WDR55: variants seen among roughly 807,000 people sequenced by gnomAD.
WDR55 encodes WD repeat domain 55.
Under a neutral mutation model 34.0 loss-of-function variants are expected in WDR55, and 31 were observed. The ratio of observed to expected loss-of-function variants is 0.91; its 90% CI spans 0.69 to 1.23. The LOEUF (loss-of-function observed/expected upper bound fraction) is 1.23. Ranked by LOEUF, WDR55 falls within the 50% of genes most tolerant of loss-of-function variation. WDR55 has a pLI of 0.00. For synonymous variants in WDR55, 164 were observed against 185.9 expected (o/e 0.88, Z 0.96); for missense variants, 440 against 494.6 (o/e 0.89, Z 1.05).
At position 140,672,342 on chromosome 5, in the gene WDR55, G is replaced by T; in HGVS notation, c.*2688G>T. 7.9e-7 allele frequency: 1 copy of T among 1,267,152 alleles called. No individual in the cohort carries two copies. Among genetic ancestry groups the T allele is most frequent in the Non-Finnish European group, 1.1e-6 (1 of 915,098 alleles). 78.5% of individuals were successfully genotyped at this position (1,267,152 alleles called of 1,614,324 possible). A position where few individuals can be genotyped will look rare whatever the true frequency, so the allele number is the denominator to read the frequency against. On this transcript the variant is annotated 3_prime_UTR_variant, in exon 7 of 7. Transcript: ENST00000358337. ...CAAATAGTAAAAGGTTGCAAATTCT[G>T]GCATGTTTGACTCTAAGATCTTGTA...
In WDR55 at chr5:140,669,208, G is replaced by A. The variant is rs753371520; in HGVS notation, c.790G>A (p.Glu264Lys). The change falls in exon 6 of 7, where the codon GAG (glutamate) becomes AAG (lysine). Residue 264 changes from glutamate to lysine, a missense_variant. By Grantham distance (56) the Glu-to-Lys change is moderately conservative. Coordinates refer to ENST00000358337, the MANE Select transcript of WDR55 (RefSeq NM_017706.5). Reference protein sequence around the residue: ...ESIDCMVPVTESLLCTGSTDG... With the variant: ...ESIDCMVPVTKSLLCTGSTDG... ...TATCGACTGCATGGTTCCAGTCACC[G>A]AGAGTCTGCTGTGTACTGGCTCCAC... 27 of 1,613,624 alleles carry A rather than the reference G, an allele frequency of 1.7e-5. No homozygotes were observed. The highest frequency in any genetic ancestry group is 1.0e-4 in the Admixed American group (6 of 59,996).
intron 1 of WDR55, chr5:140,667,270 T>G: frequency 2.2e-6 from 1 of 459,446 alleles, no homozygotes; most frequent in Non-Finnish European, 2.9e-6. Context: ...TTCCCCACCC[T>G]CAGCCATGAC....
At position 140,671,220 on chromosome 5, in the gene WDR55, C is replaced by CCAG; in HGVS notation, c.*1567_*1569dup. ...CCTTTGGGGGTCAGAAAGTGGCCAC[C>CCAG]CAGGCCTGCTGGGATGGGGCCTGAC... On this transcript the variant is annotated 3_prime_UTR_variant, in exon 7 of 7. Transcript: ENST00000358337. 6.3e-7 allele frequency: 1 copy of CCAG among 1,598,140 alleles called. No homozygotes were observed. The highest frequency in any genetic ancestry group is 8.6e-7 in the Non-Finnish European group (1 of 1,168,318).
rs749372074 is a variant in WDR55 at position 140,665,068 on chromosome 5, A to G, written c.156A>G (p.Leu52=). The G allele has an allele frequency of 6.2e-7, 1 of 1,610,390 alleles. No homozygotes were observed. Among genetic ancestry groups the G allele is most frequent in the Non-Finnish European group, 8.5e-7 (1 of 1,177,588 alleles). Residue 52 remains leucine, a synonymous_variant, in exon 1 of 7, where the codon CTA becomes CTG. Coordinates refer to ENST00000358337, the MANE Select transcript of WDR55 (RefSeq NM_017706.5). ...TGGCGTTCCATCCGGCCCGTGACCT[A>G]CTGGCTGCAGGGGACGTGGACGGGG... ...SGLAFHPARD[L]LAAGDVDGDV...
rs1758090220 is a variant in WDR55, at chr5:140,672,021, T to G, written c.*2367T>G. ...AACCATCATAATGGCTAATCTTTAC[T>G]GGGAAAACTTGCTGTAAGTCAGTCA... On this transcript the variant is annotated 3_prime_UTR_variant, in exon 7 of 7. Coordinates refer to ENST00000358337, the MANE Select transcript of WDR55 (RefSeq NM_017706.5). The G allele has an allele frequency of 3.4e-6, 2 of 581,868 alleles. No homozygotes were observed. The highest frequency in any genetic ancestry group is 6.1e-6 in the Non-Finnish European group (2 of 326,846). The allele number at this position is 581,868 out of a possible 1,614,324, so 36.0% of individuals were successfully genotyped here.
At chr5:140,665,754 C>A (rs1369548073) in intron 1 of WDR55, among the ~76,000 whole-genome samples, 1 of 152,160 alleles carries the variant, frequency 6.6e-6, no homozygotes, top group African/African-American at 2.4e-5. Context: ...GTAATACCCG[C>A]ACTTTGGGAG....
Position 140,671,642 on chromosome 5 carries a change from G to A in WDR55, c.*1988G>A. The A allele has an allele frequency of 6.3e-7, 1 of 1,578,686 alleles. No homozygotes were observed. Among genetic ancestry groups the A allele is most frequent in the Non-Finnish European group, 8.6e-7 (1 of 1,162,608 alleles). ...TGCCAAAGCCAACTGGCTGCCCTCT[G>A]GCTGTGGGGACCGCAAGAAGGGACC... On this transcript the variant is annotated 3_prime_UTR_variant, in exon 7 of 7. Transcript: ENST00000358337.
intron 1 of WDR55, chr5:140,666,620 A>AT (rs1757931663): frequency 1.0e-6 from 1 of 985,022 alleles, no homozygotes; most frequent in South Asian, 4.7e-5. Context: ...CATTTGTGTA[A>AT]TTATTTGAAT....
chr5:140,671,557 C>T lies in WDR55; in HGVS notation c.*1903C>T, dbSNP rs1182650527. ...TGAGGAACACAGGGCTGCCCAGCTTCATTCGTTGGCACAGCAACTGCAGGG... is the reference window on the plus strand; with the variant it reads ...TGAGGAACACAGGGCTGCCCAGCTTTATTCGTTGGCACAGCAACTGCAGGG... On this transcript the variant is annotated 3_prime_UTR_variant, in exon 7 of 7. Coordinates refer to ENST00000358337, the MANE Select transcript of WDR55 (RefSeq NM_017706.5). 7 of 1,566,780 alleles carry T rather than the reference C, an allele frequency of 4.5e-6. No individual in the cohort carries two copies. Among genetic ancestry groups the T allele is most frequent in the Non-Finnish European group, 8.6e-7 (1 of 1,157,162 alleles).
Position 140,671,675 on chromosome 5 carries a change from T to A in WDR55, c.*2021T>A. The stretch of plus-strand genomic sequence containing the variant: ...GGACCGCAAGAAGGGACCCACAAGC[T>A]GCTGGCGAAGTCGCTGCTTCAGGTC... On this transcript the variant is annotated 3_prime_UTR_variant, in exon 7 of 7. Coordinates refer to ENST00000358337, the MANE Select transcript of WDR55 (RefSeq NM_017706.5). 6.3e-7 allele frequency: 1 copy of A among 1,584,290 alleles called. No homozygotes were observed. Among genetic ancestry groups the A allele is most frequent in the Non-Finnish European group, 8.6e-7 (1 of 1,165,160 alleles).
At chr5:140,665,656 C>T (rs541431311) in intron 1 of WDR55, among the ~76,000 whole-genome samples, 3 of 152,204 alleles carry the variant, frequency 2.0e-5, no homozygotes, top group Non-Finnish European at 4.4e-5. Context: ...CGTGCCCGGA[C>T]TCCTACCGGA....
chr5:140,671,791 G>A lies in WDR55; in HGVS notation c.*2137G>A, dbSNP rs1379869321. The A allele has an allele frequency of 1.3e-6, 2 of 1,550,246 alleles. No homozygotes were observed. The highest frequency in any genetic ancestry group is 1.2e-5 in the South Asian group (1 of 84,008). Reference sequence around the variant, plus strand: ...AAAGACAAGGGCAGGTCTAAACCCTGGGCCCAAGCCTCCAGGTGGTGAGCC... The same window carrying A: ...AAAGACAAGGGCAGGTCTAAACCCTAGGCCCAAGCCTCCAGGTGGTGAGCC... On this transcript the variant is annotated 3_prime_UTR_variant, in exon 7 of 7. Coordinates refer to ENST00000358337, the MANE Select transcript of WDR55 (RefSeq NM_017706.5).
In WDR55 at chr5:140,669,788, C is replaced by A; in HGVS notation, c.*134C>A. On this transcript the variant is annotated 3_prime_UTR_variant, in exon 7 of 7. Coordinates refer to ENST00000358337, the MANE Select transcript of WDR55 (RefSeq NM_017706.5). ...CATCGTCCAGGCTGGAGTGCGCTGG[C>A]TTGATCTTGGCTCACTGCAGCCTCA... 1.1e-6 allele frequency: 1 copy of A among 923,484 alleles called. No homozygotes were observed. Among genetic ancestry groups the A allele is most frequent in the Non-Finnish European group, 1.6e-6 (1 of 620,738 alleles). The allele number at this position is 923,484 out of a possible 1,614,324, so 57.2% of individuals were successfully genotyped here.
Position 140,668,350 on chromosome 5 carries a change from G to A in WDR55, c.292+16G>A, listed in dbSNP as rs765738739. 3.7e-6 allele frequency: 6 copies of A among 1,614,108 alleles called. No homozygotes were observed. The highest frequency in any genetic ancestry group is 5.1e-6 in the Non-Finnish European group (6 of 1,180,048). ...GATGGGCAGAGTGAGTACTGGGGAAGACAACCAGCAATGTGGTGGAAGGGA... is the reference window on the plus strand; with the variant it reads ...GATGGGCAGAGTGAGTACTGGGGAAAACAACCAGCAATGTGGTGGAAGGGA... On this transcript the variant is annotated intron_variant, in intron 2 of 6. Coordinates refer to ENST00000358337, the MANE Select transcript of WDR55 (RefSeq NM_017706.5).
chr5:140,669,429 C>T lies in WDR55; in HGVS notation c.927C>T (p.Phe309=). The T allele has an allele frequency of 6.2e-7, 1 of 1,614,148 alleles. No homozygotes were observed. The highest frequency in any genetic ancestry group is 2.2e-5 in the East Asian group (1 of 44,886). The change falls in exon 7 of 7, where the codon TTC becomes TTT. Residue 309 remains phenylalanine (F), a synonymous_variant. Transcript: ENST00000358337. ...TGGCCCTCTCCCACTGTGGCCGCTT[C>T]CTGGCCAGTAGTGGCCATGACCAGC... The part of the protein sequence containing the change: ...EELALSHCGR[F]LASSGHDQRL...
rs145678669 is a variant in WDR55 at position 140,671,654 on chromosome 5, C to T, written c.*2000C>T. On this transcript the variant is annotated 3_prime_UTR_variant, in exon 7 of 7. Coordinates refer to ENST00000358337, the MANE Select transcript of WDR55 (RefSeq NM_017706.5). ...CTGGCTGCCCTCTGGCTGTGGGGAC[C>T]GCAAGAAGGGACCCACAAGCTGCTG... 92 of 1,581,138 alleles carry T rather than the reference C, an allele frequency of 5.8e-5. No individual in the cohort carries two copies. In the African/African-American group the frequency reaches 1.1e-3, roughly 20 times the overall value.
Position 140,671,229 on chromosome 5 carries a change from C to T in WDR55, c.*1575C>T, listed in dbSNP as rs1554105892. ...GTCAGAAAGTGGCCACCCAGGCCTG[C>T]TGGGATGGGGCCTGACACAGGCTCT... On this transcript the variant is annotated 3_prime_UTR_variant, in exon 7 of 7. Coordinates refer to ENST00000358337, the MANE Select transcript of WDR55 (RefSeq NM_017706.5). The T allele has an allele frequency of 1.2e-6, 2 of 1,604,462 alleles. No individual in the cohort carries two copies. Among genetic ancestry groups the T allele is most frequent in the African/African-American group, 1.3e-5 (1 of 74,914 alleles).
chr5:140,666,995 G>C (rs1561986457), intron 1 of WDR55: 1 of 985,368 alleles, frequency 1.0e-6, no homozygotes, highest in African/African-American at 1.7e-5. Flanking sequence ...CCCCTCATTA[G>C]CTGTAATGGC....
intron 1 of WDR55, chr5:140,667,777 T>A (rs1414395705): frequency 6.5e-6 from 1 of 154,112 alleles, no homozygotes; most frequent in Admixed American, 6.4e-5. Flanking sequence ...CTTGCCTCTT[T>A]TTCAGCACGT....
Sources: gnomAD v4.1 joint callset for allele counts (sites outside exome capture counted in the v4.1 genomes callset) on GRCh38, gnomAD v4.1.1 for gene constraint, MANE v1.5 for transcripts, NCBI Gene and HGNC (gene_info 2026-07-23, HGNC 2026-07-21) for gene names.